Variants in NEO1 observed in about 807,000 individuals in gnomAD.
NEO1 encodes the protein neogenin.
In NEO1, 63 loss-of-function variants were observed where a neutral mutation model predicts 159.7. The ratio of observed to expected loss-of-function variants is 0.39; its 90% CI spans 0.32 to 0.49. NEO1 has a LOEUF of 0.49. NEO1 is among the 20% of genes least tolerant of loss of function. NEO1 has a pLI of 0.85. For missense variants in NEO1, 1,615 were observed against 1,831.0 expected (o/e 0.88, Z 2.15); for synonymous variants, 633 against 662.0 (o/e 0.96, Z 0.67).
intron 7 of NEO1, among the ~76,000 whole-genome samples, chr15:73,180,983 G>A (rs2035575568): frequency 6.6e-6 from 1 of 152,098 alleles, no homozygotes; most frequent in Non-Finnish European, 1.5e-5. Flanking sequence ...ATATAATAAG[G>A]GATGTAAGAG....
In NEO1 at chr15:73,251,099, TAGTA is replaced by T. The variant is rs1160547544; in HGVS notation, c.1894+1381_1894+1384del. ...GATAAATCTGTATACATATACATAA[TAGTA>T]AGATAAATAAAACAGTTGTTGCAGA... On this transcript the variant is annotated intron_variant, in intron 11 of 28. Transcript: ENST00000261908. Among the ~76,000 whole-genome samples, 5 of 152,304 alleles carry T rather than the reference TAGTA, an allele frequency of 3.3e-5. No homozygotes were observed. In the East Asian group the frequency reaches 9.6e-4, roughly 29 times the overall value.
chr15:73,269,684 T>G (rs1158601100), intron 16 of NEO1, among the ~76,000 whole-genome samples: 2 of 152,196 alleles, frequency 1.3e-5, no homozygotes, highest in Non-Finnish European at 2.9e-5. Context: ...GAACAGGAAG[T>G]AGAATTTTCA....
chr15:73,245,583 T>TC (rs1347546347), intron 9 of NEO1, among the ~76,000 whole-genome samples: 1 of 151,896 alleles, frequency 6.6e-6, no homozygotes, highest in Non-Finnish European at 1.5e-5. Context: ...GTATTCTTTT[T>TC]TTTTTTTTTG....
chr15:73,252,057 A>G (rs1446996485), intron 11 of NEO1, among the ~76,000 whole-genome samples: 1 of 152,216 alleles, frequency 6.6e-6, no homozygotes, highest in Non-Finnish European at 1.5e-5. Flanking sequence ...TTCAAAACAC[A>G]TGTGCCTGGG....
At chr15:73,101,337 TC>T (rs2070388124) in intron 1 of NEO1, among the ~76,000 whole-genome samples, 1 of 152,252 alleles carries the variant, frequency 6.6e-6, no homozygotes, top group Non-Finnish European at 1.5e-5. Flanking sequence ...ACAATTTCAA[TC>T]CCCTTATGTG....
chr15:73,130,213 A>G (rs2030904987), intron 4 of NEO1, among the ~76,000 whole-genome samples: 2 of 152,020 alleles, frequency 1.3e-5, no homozygotes, highest in African/African-American at 2.4e-5. Context: ...GCCTCAAGTG[A>G]TCCACCAATC....
intron 11 of NEO1, among the ~76,000 whole-genome samples, chr15:73,252,755 C>T (rs1295782623): frequency 1.3e-5 from 2 of 152,000 alleles, no homozygotes; most frequent in African/African-American, 2.4e-5. Context: ...TTTGAGAGGC[C>T]GAGGCAGATG....
intron 5 of NEO1, among the ~76,000 whole-genome samples, chr15:73,159,010 C>G (rs1400606731): frequency 6.6e-6 from 1 of 152,178 alleles, no homozygotes; most frequent in Non-Finnish European, 1.5e-5. Context: ...CACCTGTAAT[C>G]CTAGCTATTC....
intron 1 of NEO1, among the ~76,000 whole-genome samples, chr15:73,098,928 A>G (rs2070243008): frequency 6.6e-6 from 1 of 152,190 alleles, no homozygotes; most frequent in Non-Finnish European, 1.5e-5. Flanking sequence ...ATTTTTGCCA[A>G]TATGATAGGT....
intron 1 of NEO1, among the ~76,000 whole-genome samples, chr15:73,077,482 T>C (rs536701008): frequency 6.6e-6 from 1 of 152,260 alleles, no homozygotes; most frequent in African/African-American, 2.4e-5. Context: ...ACAAGGAAGC[T>C]TGTGTGAATG....
At chr15:73,216,677 T>C (rs1163534958) in intron 7 of NEO1, among the ~76,000 whole-genome samples, 1 of 152,170 alleles carries the variant, frequency 6.6e-6, no homozygotes, top group Non-Finnish European at 1.5e-5. Flanking sequence ...ATTGCTCTGA[T>C]GGCCAGTGAT....
intron 5 of NEO1, among the ~76,000 whole-genome samples, chr15:73,153,625 A>G (rs191601163): frequency 1.4e-3 from 219 of 152,344 alleles, no homozygotes; most frequent in Non-Finnish European, 2.6e-3. Context: ...TTATTCTGGG[A>G]TTGTAATGGT....
At chr15:73,235,472 T>C (rs899070168) in intron 7 of NEO1, among the ~76,000 whole-genome samples, 26 of 152,222 alleles carry the variant, frequency 1.7e-4, no homozygotes, top group Non-Finnish European at 2.2e-4. Flanking sequence ...TGGCTACCGC[T>C]ATACAAAAGT....
chr15:73,120,173 TTTAA>T (rs977697843), intron 2 of NEO1, among the ~76,000 whole-genome samples: 3 of 151,716 alleles, frequency 2.0e-5, no homozygotes, highest in African/African-American at 7.3e-5. Context: ...TTTAATTTAA[TTTAA>T]TTAAAATAGA....
intron 1 of NEO1, among the ~76,000 whole-genome samples, chr15:73,113,673 C>CA (rs1478392507): frequency 2.6e-5 from 4 of 152,004 alleles, no homozygotes; most frequent in Non-Finnish European, 4.4e-5. Flanking sequence ...AAGTACTATG[C>CA]AAAAATCAGT....
At chr15:73,197,681 CTTTT>C (rs34893810) in intron 7 of NEO1, among the ~76,000 whole-genome samples, 1 of 132,368 alleles carries the variant, frequency 7.6e-6, no homozygotes, top group Non-Finnish European at 1.6e-5. Context: ...TTATACCTAC[CTTTT>C]TTTTTTTTTT....
In NEO1 at chr15:73,141,975, G is replaced by T. The variant is rs148413216; in HGVS notation, c.1015+5948G>T. ...ATTGAGAGCAATCTTGCCCCAGTGC[G>T]CCTGGATTCCAGTCTCAGCTCTGTC... On this transcript the variant is annotated intron_variant, in intron 5 of 28. Coordinates refer to ENST00000261908, the MANE Select transcript of NEO1 (RefSeq NM_002499.4). Among the ~76,000 whole-genome samples, 494 of 152,270 alleles carry T rather than the reference G, an allele frequency of 3.2e-3. 1 individual carries two copies. The highest frequency in any genetic ancestry group is 0.011 in the African/African-American group (472 of 41,550).
chr15:73,208,750 T>C (rs938142476), intron 7 of NEO1, among the ~76,000 whole-genome samples: 1 of 152,090 alleles, frequency 6.6e-6, no homozygotes, highest in Non-Finnish European at 1.5e-5. Flanking sequence ...TAGTCCCAGC[T>C]GCTCAGGAGG....
intron 1 of NEO1, among the ~76,000 whole-genome samples, chr15:73,107,618 C>T (rs1273310279): frequency 2.0e-5 from 3 of 152,084 alleles, no homozygotes; most frequent in African/African-American, 4.8e-5. Flanking sequence ...TTCCTAAAGA[C>T]GGTGATGTTG....
Sources: allele counts gnomAD v4.1 joint callset (sites outside exome capture counted in the v4.1 genomes callset), GRCh38; gene constraint gnomAD v4.1.1; transcripts MANE v1.5; gene names NCBI Gene and HGNC (gene_info 2026-07-23, HGNC 2026-07-21).